SH3GL2: variants seen among roughly 807,000 people sequenced by gnomAD.
SH3GL2 encodes endophilin-A1.
Under a neutral mutation model 46.0 loss-of-function variants are expected in SH3GL2, and 24 were observed. The ratio of observed to expected loss-of-function variants is 0.52; its 90% confidence interval spans 0.38 to 0.73. The LOEUF is 0.73. SH3GL2 is among the 30% of genes least tolerant of loss of function. The pLI is 0.00. For missense variants in SH3GL2, 413 were observed against 424.2 expected, an observed-to-expected ratio of 0.97 and a Z score of 0.23; for synonymous variants, 196 against 147.1, an observed-to-expected ratio of 1.33 and a Z score of -2.40.
At chr9:17,734,261 T>A (rs999624025) in intron 1 of SH3GL2, among the ~76,000 whole-genome samples, 1 of 152,114 alleles carries the variant, frequency 6.6e-6, no homozygotes, top group Non-Finnish European at 1.5e-5. Context: ...CATGTTTGTC[T>A]GAGGTAGAAG....
chr9:17,685,947 C>G (rs1417787012), intron 1 of SH3GL2, among the ~76,000 whole-genome samples: 1 of 149,614 alleles, frequency 6.7e-6, no homozygotes, highest in Non-Finnish European at 1.5e-5. Context: ...CAAATGGGAT[C>G]TAATTAAACT....
At chr9:17,731,558 A>G (rs1000244634) in intron 1 of SH3GL2, among the ~76,000 whole-genome samples, 4 of 152,078 alleles carry the variant, frequency 2.6e-5, no homozygotes, top group Non-Finnish European at 5.9e-5. Context: ...GCAAGCCAGG[A>G]ATTGAGCGTT....
In SH3GL2 at chr9:17,598,770, G is replaced by A. The variant is rs181520271; in HGVS notation, c.45+19483G>A. Among the ~76,000 whole-genome samples the A allele has an allele frequency of 2.0e-5, 3 of 152,246 alleles. No homozygotes were observed. The East Asian group carries it at 5.8e-4, about 29-fold the overall frequency. On this transcript the variant is annotated intron_variant, in intron 1 of 8. Transcript: ENST00000380607. The stretch of plus-strand genomic sequence containing the variant: ...TTGGTCTCTAAATTCCTGAAGGGAG[G>A]GATCAAGTTTCTGCTGATCTCTTGG...
intron 1 of SH3GL2, among the ~76,000 whole-genome samples, chr9:17,702,481 T>G (rs542814897): frequency 2.4e-4 from 36 of 152,048 alleles, no homozygotes; most frequent in Non-Finnish European, 3.8e-4. Flanking sequence ...ACGAAAAAAT[T>G]TAAACAGATG....
chr9:17,649,063 C>A (rs1263800799), intron 1 of SH3GL2, among the ~76,000 whole-genome samples: 1 of 151,964 alleles, frequency 6.6e-6, no homozygotes, highest in Non-Finnish European at 1.5e-5. Flanking sequence ...TCCTTTTTCT[C>A]TTAACTCAAG....
intron 5 of SH3GL2, among the ~76,000 whole-genome samples, 181 bp downstream of exon 5, chr9:17,787,694 G>A (rs568457858): frequency 6.6e-6 from 1 of 152,130 alleles, no homozygotes; most frequent in Non-Finnish European, 1.5e-5. Context: ...TTTTCAGCCT[G>A]TTATGACTGT....
chr9:17,690,661 A>G (rs960196313), intron 1 of SH3GL2, among the ~76,000 whole-genome samples: 2 of 152,166 alleles, frequency 1.3e-5, no homozygotes, highest in East Asian at 1.9e-4. Flanking sequence ...GTGGCAATCT[A>G]CCTAATGGGA....
chr9:17,752,219 T>C (rs1313333683), intron 2 of SH3GL2, among the ~76,000 whole-genome samples: 1 of 152,164 alleles, frequency 6.6e-6, no homozygotes, highest in East Asian at 1.9e-4. Context: ...TGGACCTGCC[T>C]GTATCTCGCT....
intron 1 of SH3GL2, among the ~76,000 whole-genome samples, chr9:17,737,995 C>G (rs551503681): frequency 6.6e-6 from 1 of 152,104 alleles, no homozygotes; most frequent in African/African-American, 2.4e-5. Context: ...TCTCTCTCAA[C>G]TATGTTCTAA....
chr9:17,672,091 T>A (rs144422828), intron 1 of SH3GL2, among the ~76,000 whole-genome samples: 1 of 152,204 alleles, frequency 6.6e-6, no homozygotes, highest in African/African-American at 2.4e-5. Context: ...CTCAATGTTT[T>A]GTTTTGACCT....
chr9:17,772,408 A>G (rs1241704030), intron 3 of SH3GL2, among the ~76,000 whole-genome samples: 5 of 152,182 alleles, frequency 3.3e-5, no homozygotes, highest in Admixed American at 6.5e-5. Context: ...AAATACATTC[A>G]TAATGTTGCG....
At chr9:17,627,374 C>T (rs1041685558) in intron 1 of SH3GL2, among the ~76,000 whole-genome samples, 1 of 152,112 alleles carries the variant, frequency 6.6e-6, no homozygotes, top group Non-Finnish European at 1.5e-5. Context: ...TGCTGGATCC[C>T]TAACCGCTTT....
At chr9:17,644,259 T>C (rs1049633264) in intron 1 of SH3GL2, among the ~76,000 whole-genome samples, 4 of 152,144 alleles carry the variant, frequency 2.6e-5, no homozygotes, top group Non-Finnish European at 5.9e-5. Context: ...GCCATCTATC[T>C]AGTTTGTCAA....
chr9:17,748,467 C>G (rs1289464707), intron 2 of SH3GL2, among the ~76,000 whole-genome samples: 2 of 152,042 alleles, frequency 1.3e-5, no homozygotes, highest in Non-Finnish European at 2.9e-5. Context: ...TAGTCTACAT[C>G]AGATCCAACA....
At chr9:17,788,272 A>G (rs898592976) in intron 5 of SH3GL2, among the ~76,000 whole-genome samples, 3 of 152,100 alleles carry the variant, frequency 2.0e-5, no homozygotes, top group Non-Finnish European at 4.4e-5. Context: ...CTGACCCTAA[A>G]TCCAAAATAG....
intron 1 of SH3GL2, among the ~76,000 whole-genome samples, chr9:17,603,475 G>T (rs2134567019): frequency 6.6e-6 from 1 of 152,260 alleles, no homozygotes; most frequent in East Asian, 1.9e-4. Flanking sequence ...TGAGAGGGGA[G>T]GGCAACTGGG....
At chr9:17,582,847 T>C (rs1307583624) in intron 1 of SH3GL2, among the ~76,000 whole-genome samples, 2 of 152,206 alleles carry the variant, frequency 1.3e-5, no homozygotes, top group East Asian at 3.8e-4. Flanking sequence ...TCTTTGGGCT[T>C]CCTTGGCTTG....
chr9:17,672,598 C>G lies in SH3GL2; in HGVS notation c.46-74468C>G, dbSNP rs371726958. 2.8e-3 allele frequency among the ~76,000 whole-genome samples: 420 copies of G among 152,262 alleles called. 2 individuals carry two copies. The highest frequency in any genetic ancestry group is 7.8e-3 in the African/African-American group (323 of 41,544). Reference sequence around the variant, plus strand: ...CCTTCAGGAGGCAAATGAGCTGCAACAGAGCCATGGTTTCTCTCCCTCTTT... The same window carrying G: ...CCTTCAGGAGGCAAATGAGCTGCAAGAGAGCCATGGTTTCTCTCCCTCTTT... On this transcript the variant is annotated intron_variant, in intron 1 of 8. Coordinates refer to ENST00000380607, the MANE Select transcript of SH3GL2 (RefSeq NM_003026.5).
At chr9:17,678,263 C>T (rs112019495) in intron 1 of SH3GL2, among the ~76,000 whole-genome samples, 25,117 of 150,880 alleles carry the variant, frequency 0.17, 2,261 homozygotes, top group Admixed American at 0.25. Flanking sequence ...AGTGTAAAAG[C>T]GTTCCTATTT....
Sources: allele counts gnomAD v4.1 joint callset (sites outside exome capture counted in the v4.1 genomes callset), GRCh38; gene constraint gnomAD v4.1.1; transcripts MANE v1.5; gene names NCBI Gene and HGNC (gene_info 2026-07-23, HGNC 2026-07-21).